SORCS1: variants seen among roughly 807,000 people sequenced by gnomAD.
SORCS1 encodes the protein sortilin related VPS10 domain containing receptor 1.
SORCS1 carries 60 observed loss-of-function variants against 146.1 expected under a neutral mutation model. That is an observed-to-expected ratio of 0.41 (90% CI 0.33 to 0.51). SORCS1 has a LOEUF of 0.51. Among genes scored for constraint, SORCS1 ranks in the 20% least tolerant of loss-of-function variants. The probability of loss-of-function intolerance (pLI) is 0.21; values close to 1 mark genes in which losing one functional copy is unlikely to be tolerated. For synonymous variants in SORCS1, 637 were observed against 584.0 expected, an observed-to-expected ratio of 1.09 and a Z score of -1.31; for missense variants, 1,352 against 1,487.6, an observed-to-expected ratio of 0.91 and a Z score of 1.50.
At chr10:107,027,081 CAT>C (rs1402652027) in intron 1 of SORCS1, among the ~76,000 whole-genome samples, 2 of 140,980 alleles carry the variant, frequency 1.4e-5, no homozygotes, top group Admixed American at 1.4e-4. Context: ...ATCAGATATA[CAT>C]ATATATACAT....
intron 1 of SORCS1, among the ~76,000 whole-genome samples, chr10:107,144,243 T>TA (rs1968104513): frequency 6.6e-6 from 1 of 152,318 alleles, no homozygotes; most frequent in Admixed American, 6.5e-5. Context: ...CCTTTGCACA[T>TA]ACCAAATTAT....
the SORCS1 span, among the ~76,000 whole-genome samples, chr10:107,181,022 T>C: frequency 2.6e-5 from 4 of 152,198 alleles, no homozygotes; most frequent in African/African-American, 7.2e-5. Context: ...AAAAATACTG[T>C]ATAAAATATT....
At chr10:106,674,324 G>A (rs1471071795) in intron 14 of SORCS1, among the ~76,000 whole-genome samples, 1 of 4,686 alleles carries the variant, frequency 2.1e-4, no homozygotes, top group African/African-American at 5.1e-4. Context: ...GTAAGACTCC[G>A]TCTCAAAAAA....
intron 1 of SORCS1, among the ~76,000 whole-genome samples, chr10:107,112,239 T>C (rs758665725): frequency 6.6e-6 from 1 of 152,022 alleles, no homozygotes; most frequent in Non-Finnish European, 1.5e-5. Context: ...ATCAATTTTA[T>C]AAAAAAATGG....
intron 17 of SORCS1, among the ~76,000 whole-genome samples, chr10:106,657,661 A>ATGTG (rs10561308): frequency 3.6e-4 from 52 of 145,330 alleles, no homozygotes; most frequent in Middle Eastern, 3.6e-3. Context: ...ATAACACTAT[A>ATGTG]TGTGTGTGTG....
intron 1 of SORCS1, among the ~76,000 whole-genome samples, chr10:107,012,440 TAATA>T (rs1217969360): frequency 3.9e-5 from 6 of 152,244 alleles, no homozygotes; most frequent in Non-Finnish European, 7.3e-5. Flanking sequence ...AAGTGTTTGA[TAATA>T]AATAATAATA....
chr10:106,977,924 G>A (rs999014749), intron 1 of SORCS1, among the ~76,000 whole-genome samples: 1 of 152,162 alleles, frequency 6.6e-6, no homozygotes, highest in Non-Finnish European at 1.5e-5. Flanking sequence ...GTCAGAGTTC[G>A]AGTGCGCATG....
At position 106,576,830 on chromosome 10, in the gene SORCS1, G is replaced by T; in HGVS notation, c.*590C>A. 1 of 171,448 alleles carries T rather than the reference G, an allele frequency of 5.8e-6. No individual in the cohort carries two copies. Among genetic ancestry groups the T allele is most frequent in the Non-Finnish European group, 1.2e-5 (1 of 80,146 alleles). 10.6% of individuals were successfully genotyped at this position (171,448 alleles called of 1,614,324 possible). A position where few individuals can be genotyped will look rare whatever the true frequency, so the allele number is the denominator to read the frequency against. On this transcript the variant is annotated 3_prime_UTR_variant, in exon 26 of 26. Coordinates refer to ENST00000263054, the MANE Select transcript of SORCS1 (RefSeq NM_052918.5). ...CTTTGTGTCTTATGAAAGGAGCTGG[G>T]GTAGCTAATCCACCCATCAGCCTTT...
Position 106,574,439 on chromosome 10 carries a change from T to C in SORCS1, c.*2981A>G, listed in dbSNP as rs1844493809. On this transcript the variant is annotated 3_prime_UTR_variant, in exon 26 of 26. Coordinates refer to ENST00000263054, the MANE Select transcript of SORCS1 (RefSeq NM_052918.5). ...TTTGCACCTGCGATTAGCGAGTAGGTAGGCACTTAGGTCCCTCCCATTTGT... is the reference window on the plus strand; with the variant it reads ...TTTGCACCTGCGATTAGCGAGTAGGCAGGCACTTAGGTCCCTCCCATTTGT... 1 of 152,596 alleles carries C rather than the reference T, an allele frequency of 6.6e-6. No homozygotes were observed. The highest frequency in any genetic ancestry group is 2.1e-4 in the South Asian group (1 of 4,824). 9.5% of individuals were successfully genotyped at this position (152,596 alleles called of 1,614,324 possible).
intron 3 of SORCS1, among the ~76,000 whole-genome samples, chr10:106,801,148 G>C (rs1303432529): frequency 6.6e-6 from 1 of 152,036 alleles, no homozygotes; most frequent in Non-Finnish European, 1.5e-5. Flanking sequence ...TATGTATTTA[G>C]AAATTAGCTC....
chr10:106,701,183 AT>A (rs1018300865), intron 8 of SORCS1, among the ~76,000 whole-genome samples: 1 of 152,008 alleles, frequency 6.6e-6, no homozygotes, highest in Admixed American at 6.6e-5. Context: ...ATTACTTTGT[AT>A]TTTTTTTAAT....
At chr10:106,773,977 A>C (rs1049566483) in intron 4 of SORCS1, among the ~76,000 whole-genome samples, 4 of 152,186 alleles carry the variant, frequency 2.6e-5, no homozygotes, top group Non-Finnish European at 4.4e-5. Context: ...AACACTATCA[A>C]ACGTCAGGTA....
intron 23 of SORCS1, among the ~76,000 whole-genome samples, chr10:106,599,569 A>G (rs1227749081): frequency 1.3e-5 from 2 of 152,204 alleles, no homozygotes; most frequent in East Asian, 3.8e-4. Flanking sequence ...AAATACACAC[A>G]CATACATGCA....
rs142034384 is a variant in SORCS1, at chr10:107,158,588, G to A, written c.558+5381C>T. On this transcript the variant is annotated intron_variant, in intron 1 of 25. Coordinates refer to ENST00000263054, the MANE Select transcript of SORCS1 (RefSeq NM_052918.5). ...ACAGCATGTTCTGTCCTCAGAGAAC[G>A]TACATCTCCTGCTGTCTCTTAAGAA... is the stretch of plus-strand genomic sequence containing the variant. Among the ~76,000 whole-genome samples, 340 of 152,290 alleles carry A rather than the reference G, an allele frequency of 2.2e-3. 1 individual carries two copies. Among genetic ancestry groups the A allele is most frequent in the Non-Finnish European group, 4.0e-3 (273 of 68,016 alleles).
At chr10:106,702,318 C>T (rs1854195885) in intron 8 of SORCS1, among the ~76,000 whole-genome samples, 1 of 152,180 alleles carries the variant, frequency 6.6e-6, no homozygotes. Context: ...TCCCTGAAGC[C>T]AAGTTAAAAT....
intron 6 of SORCS1, among the ~76,000 whole-genome samples, chr10:106,729,029 C>A (rs936674076): frequency 6.6e-6 from 1 of 152,090 alleles, no homozygotes. Context: ...CTAGGCCTAG[C>A]GGTACCCCTG....
chr10:107,037,114 A>T (rs1958938360), intron 1 of SORCS1, among the ~76,000 whole-genome samples: 1 of 152,042 alleles, frequency 6.6e-6, no homozygotes, highest in Admixed American at 6.6e-5. Context: ...GGCGCGGTGG[A>T]ACACACCTGT....
At chr10:106,626,151 G>A (rs531825525) in intron 19 of SORCS1, among the ~76,000 whole-genome samples, 16 of 152,122 alleles carry the variant, frequency 1.1e-4, no homozygotes, top group Non-Finnish European at 1.8e-4. Flanking sequence ...GAGAGTGGTC[G>A]GAATGTGTAT....
intron 2 of SORCS1, among the ~76,000 whole-genome samples, chr10:106,922,349 C>G (rs1477320227): frequency 6.6e-6 from 1 of 152,204 alleles, no homozygotes; most frequent in East Asian, 1.9e-4. Flanking sequence ...AACATGAAGA[C>G]TACAGCAGAC....
Sources: allele counts gnomAD v4.1 joint callset (sites outside exome capture counted in the v4.1 genomes callset), GRCh38; gene constraint gnomAD v4.1.1; transcripts MANE v1.5; gene names NCBI Gene and HGNC (gene_info 2026-07-23, HGNC 2026-07-21).